The following SORCS2 variants were observed in gnomAD, a reference collection of about 807,000 sequenced individuals.
SORCS2 encodes the protein VPS10 domain-containing receptor SorCS2.
SORCS2 carries 100 observed loss-of-function variants against 141.6 expected under a neutral mutation model. That is an observed-to-expected ratio of 0.71 (90% CI 0.60 to 0.83). The LOEUF is 0.83. Among genes scored for constraint, SORCS2 ranks in the 40% least tolerant of loss-of-function variants. The pLI is 0.00. For missense variants in SORCS2, 1,646 were observed against 1,560.2 expected (o/e 1.05, Z -0.93); for synonymous variants, 789 against 676.9 (o/e 1.17, Z -2.57).
rs1478487952 is a variant in SORCS2, at chr4:7,682,742, G to T, written c.1342-1G>T. The T allele has an allele frequency of 6.2e-7, 1 of 1,607,554 alleles. No homozygotes were observed. The highest frequency in any genetic ancestry group is 8.5e-7 in the Non-Finnish European group (1 of 1,176,872). ...CAGTCCTTCTTTTATTTTTGTCCCA[G>T]GTCAGAGGGGTGAAAGGAGTCTTCC... On this transcript the variant is annotated splice_acceptor_variant, in intron 9 of 26. Transcript: ENST00000507866. LOFTEE classifies it high-confidence loss of function.
At position 7,654,183 on chromosome 4, in the gene SORCS2, G is replaced by T; in HGVS notation, c.863G>T (p.Arg288Leu). Residue 288 changes from arginine (R) to leucine (L), a missense_variant, in exon 5 of 27, where the codon CGA becomes CTA. Arg to Leu is a moderately radical substitution (Grantham distance 102). Transcript: ENST00000507866. ...AAAAAGTGGACACTTCTGCAAGAGCGAGTGACCAAAGACCACGTGTTCTGG... is the reference window on the plus strand; with the variant it reads ...AAAAAGTGGACACTTCTGCAAGAGCTAGTGACCAAAGACCACGTGTTCTGG... ...LGKKWTLLQE[R>L]VTKDHVFWSV... 1.3e-6 allele frequency: 2 copies of T among 1,582,530 alleles called. No individual in the cohort carries two copies. Among genetic ancestry groups the T allele is most frequent in the Non-Finnish European group, 1.7e-6 (2 of 1,162,882 alleles).
chr4:7,284,316 G>A (rs1367908499), intron 1 of SORCS2, among the ~76,000 whole-genome samples: 1 of 152,092 alleles, frequency 6.6e-6, no homozygotes, highest in South Asian at 2.1e-4. Flanking sequence ...GTCTGTGTTC[G>A]GGTCCTGGCT....
intron 3 of SORCS2, among the ~76,000 whole-genome samples, chr4:7,587,773 C>G (rs978532539): frequency 6.6e-6 from 1 of 152,190 alleles, no homozygotes; most frequent in Non-Finnish European, 1.5e-5. Context: ...TTTGCCCCCT[C>G]TTTCCAGCTG....
At chr4:7,434,473 G>C (rs750307383) in intron 2 of SORCS2, 2 of 1,611,542 alleles carry the variant, frequency 1.2e-6, no homozygotes, top group Non-Finnish European at 1.7e-6. Flanking sequence ...GAGGCTGAGC[G>C]CTGTGCACAC....
At chr4:7,208,309 C>A (rs1330319539) in intron 1 of SORCS2, among the ~76,000 whole-genome samples, 1 of 152,184 alleles carries the variant, frequency 6.6e-6, no homozygotes, top group Admixed American at 6.5e-5. Context: ...CCAGCCCCCA[C>A]AGGGTTTCTA....
At chr4:7,527,348 C>A (rs545842608) in intron 2 of SORCS2, among the ~76,000 whole-genome samples, 29 of 152,350 alleles carry the variant, frequency 1.9e-4, no homozygotes, top group African/African-American at 6.5e-4. Context: ...CCTGGATTGT[C>A]CTCGTGGGGC....
chr4:7,534,519 A>G (rs1415888557), intron 3 of SORCS2, among the ~76,000 whole-genome samples: 1 of 152,172 alleles, frequency 6.6e-6, no homozygotes, highest in Admixed American at 6.5e-5. Context: ...GGCAAAAGGG[A>G]CTTTGCAAAT....
chr4:7,232,413 G>A (rs1711957093), intron 1 of SORCS2, among the ~76,000 whole-genome samples: 1 of 152,178 alleles, frequency 6.6e-6, no homozygotes, highest in African/African-American at 2.4e-5. Flanking sequence ...GGACGCCGGA[G>A]AGCGCTAGTT....
chr4:7,423,124 C>T (rs866194905), intron 2 of SORCS2, among the ~76,000 whole-genome samples: 11 of 152,204 alleles, frequency 7.2e-5, no homozygotes, highest in Middle Eastern at 6.8e-3. Flanking sequence ...AGCCACTCCC[C>T]GCACCCATCC....
At chr4:7,533,616 C>T (rs1177396868) in intron 3 of SORCS2, among the ~76,000 whole-genome samples, 1 of 152,188 alleles carries the variant, frequency 6.6e-6, no homozygotes, top group East Asian at 1.9e-4. Context: ...CAGGGTCAGC[C>T]CTGCAGGCCA....
At chr4:7,666,316 G>A (rs756006190) in intron 7 of SORCS2, among the ~76,000 whole-genome samples, 3 of 152,128 alleles carry the variant, frequency 2.0e-5, no homozygotes, top group East Asian at 3.9e-4. Context: ...GTCGGTGCTC[G>A]CGACATTGTT....
intron 2 of SORCS2, chr4:7,435,082 C>T (rs910413196): frequency 1.7e-6 from 1 of 594,488 alleles, no homozygotes; most frequent in Non-Finnish European, 2.9e-6. Context: ...TCCCTCCCCT[C>T]TTTTCCCCTG....
chr4:7,564,979 G>C (rs551048150), intron 3 of SORCS2, among the ~76,000 whole-genome samples: 2 of 152,202 alleles, frequency 1.3e-5, no homozygotes, highest in South Asian at 4.2e-4. Flanking sequence ...AATGAGATGC[G>C]GTGCACCGGC....
At chr4:7,509,844 G>T (rs1193673998) in intron 2 of SORCS2, among the ~76,000 whole-genome samples, 2 of 152,198 alleles carry the variant, frequency 1.3e-5, no homozygotes, top group African/African-American at 4.8e-5. Context: ...GAGGGGCCCT[G>T]ACATAGGGGG....
chr4:7,736,250 C>G (rs923632738), intron 25 of SORCS2, among the ~76,000 whole-genome samples: 1 of 152,246 alleles, frequency 6.6e-6, no homozygotes, highest in African/African-American at 2.4e-5. Flanking sequence ...TCTCAAGGCT[C>G]TAGACTGAGG....
At chr4:7,561,500 T>C (rs377466285) in intron 3 of SORCS2, among the ~76,000 whole-genome samples, 16 of 63,612 alleles carry the variant, frequency 2.5e-4, no homozygotes, top group Admixed American at 1.8e-3. Context: ...ATCTACCCAT[T>C]CATCCATCTA....
chr4:7,252,060 G>C (rs1475030987), intron 1 of SORCS2, among the ~76,000 whole-genome samples: 1 of 152,158 alleles, frequency 6.6e-6, no homozygotes, highest in Non-Finnish European at 1.5e-5. Context: ...GTCTGGGAAG[G>C]CCTCGAGTCA....
chr4:7,256,843 G>A (rs115641543), intron 1 of SORCS2, among the ~76,000 whole-genome samples: 4,642 of 151,880 alleles, frequency 0.031, 257 homozygotes, highest in African/African-American at 0.11. Context: ...GCTCGGTCTG[G>A]CAGAGCCGGA....
chr4:7,359,058 G>A (rs901334619), intron 1 of SORCS2, among the ~76,000 whole-genome samples: 2 of 152,212 alleles, frequency 1.3e-5, no homozygotes, highest in East Asian at 3.9e-4. Context: ...TACTTCGGGA[G>A]GCCGAGGCAG....
Sources: allele counts gnomAD v4.1 joint callset (sites outside exome capture counted in the v4.1 genomes callset), GRCh38; gene constraint gnomAD v4.1.1; transcripts MANE v1.5; gene names NCBI Gene and HGNC (gene_info 2026-07-23, HGNC 2026-07-21).